LIPA: variants seen among roughly 807,000 people sequenced by gnomAD.
The protein encoded by LIPA is lysosomal acid lipase/cholesteryl ester hydrolase.
In LIPA, 26 loss-of-function variants were observed where a neutral mutation model predicts 40.6. The observed-to-expected ratio is 0.64, with a 90% CI of 0.47 to 0.89. The LOEUF (loss-of-function observed/expected upper bound fraction) is 0.89. Ranked by LOEUF, LIPA falls within the 40% of genes least tolerant of loss-of-function variation. The pLI, the probability that LIPA is intolerant of heterozygous loss-of-function variation, is 0.00. For synonymous variants in LIPA, 188 were observed against 168.4 expected (o/e 1.12, Z -0.90); for missense variants, 455 against 479.6 (o/e 0.95, Z 0.48).
At chr10:89,254,386 C>T (rs111714197), upstream of LIPA, among the ~76,000 whole-genome samples, 856 of 152,344 alleles carry the variant, frequency 5.6e-3, 2 homozygotes, top group African/African-American at 9.5e-3. Context: ...GAAGCCATGG[C>T]CTGAGCTGTA....
chr10:89,369,430 T>G (rs573651628), intron 2 of LIPA, among the ~76,000 whole-genome samples: 3 of 152,182 alleles, frequency 2.0e-5, no homozygotes, highest in Non-Finnish European at 4.4e-5. Context: ...CTGTGCCCTT[T>G]CATTTCAGGC....
chr10:89,299,766 A>T (rs1843434864), intron 1 of LIPA, among the ~76,000 whole-genome samples: 1 of 152,154 alleles, frequency 6.6e-6, no homozygotes. Flanking sequence ...AAAAAAAATA[A>T]CAAATGCTGG....
At chr10:89,244,958 T>C (rs544711024) in intron 3 of LIPA, among the ~76,000 whole-genome samples, 11 of 152,280 alleles carry the variant, frequency 7.2e-5, no homozygotes, top group African/African-American at 2.4e-4. Context: ...CAAAAGCTTA[T>C]TTACAGCAGC....
chr10:89,321,316 C>A (rs937100792), intron 1 of LIPA, among the ~76,000 whole-genome samples: 6 of 152,156 alleles, frequency 3.9e-5, no homozygotes, highest in Middle Eastern at 6.8e-3. Flanking sequence ...TACAATCTAC[C>A]CATCTGACAA....
rs1291764473 is a variant in LIPA at position 89,214,881 on chromosome 10, C to A, written c.1147G>T (p.Ala383Ser). 1 of 1,613,870 alleles carries A rather than the reference C, an allele frequency of 6.2e-7. No individual in the cohort carries two copies. Among genetic ancestry groups the A allele is most frequent in the Admixed American group, 1.7e-5 (1 of 60,014 alleles). The change falls in exon 10 of 10, where the codon GCC (alanine) becomes TCC (serine). Residue 383 changes from alanine (A) to serine (S), a missense_variant. By Grantham distance (99) the Ala-to-Ser change is moderately conservative. Coordinates refer to ENST00000336233, the MANE Select transcript of LIPA (RefSeq NM_000235.4). ...EHLDFIWGLD[A>S]PWRLYNKIIN... is the part of the protein sequence containing the mutation. The stretch of plus-strand genomic sequence containing the variant: ...ATTTTATTATAAAGCCTCCAAGGGG[C>A]ATCCAGGCCCCAAATGAAGTCAAGA...
At chr10:89,254,522 G>C (rs1843171528), upstream of LIPA, among the ~76,000 whole-genome samples, 1 of 152,174 alleles carries the variant, frequency 6.6e-6, no homozygotes, top group Non-Finnish European at 1.5e-5. Flanking sequence ...TAGGCCTCTG[G>C]GCCTGTGATG....
intron 3 of LIPA, among the ~76,000 whole-genome samples, chr10:89,238,509 A>G (rs969500153): frequency 1.2e-4 from 19 of 152,150 alleles, no homozygotes; most frequent in African/African-American, 4.3e-4. Context: ...GACAGAAATT[A>G]CAATGTATTT....
chr10:89,394,191 C>T (rs1018095862), intron 2 of LIPA, among the ~76,000 whole-genome samples: 16 of 133,990 alleles, frequency 1.2e-4, no homozygotes, highest in Middle Eastern at 3.6e-3. Flanking sequence ...ATACTGTAGG[C>T]AACTGCAATA....
At chr10:89,411,234 A>G (rs1475773853) in intron 2 of LIPA, among the ~76,000 whole-genome samples, 1 of 152,194 alleles carries the variant, frequency 6.6e-6, no homozygotes, top group Non-Finnish European at 1.5e-5. Context: ...GACCAGATCT[A>G]GGAGGAACTC....
chr10:89,297,831 A>C (rs1400383890), intron 1 of LIPA, among the ~76,000 whole-genome samples: 1 of 152,152 alleles, frequency 6.6e-6, no homozygotes, highest in East Asian at 1.9e-4. Context: ...TGATGCTACT[A>C]CCAGAGGCTG....
intron 1 of LIPA, among the ~76,000 whole-genome samples, chr10:89,328,510 T>C: frequency 6.7e-6 from 1 of 150,280 alleles, no homozygotes; most frequent in South Asian, 2.1e-4. Flanking sequence ...ACAGGCTTTT[T>C]TTCTTGTAAT....
upstream of LIPA, among the ~76,000 whole-genome samples, chr10:89,256,164 C>G (rs1843179987): frequency 6.6e-6 from 1 of 152,202 alleles, no homozygotes; most frequent in South Asian, 2.1e-4. Context: ...AGAGGTCAGA[C>G]CACTCCACCC....
intron 2 of LIPA, among the ~76,000 whole-genome samples, chr10:89,372,446 T>A (rs1371735318): frequency 6.6e-6 from 1 of 152,188 alleles, no homozygotes; most frequent in Admixed American, 6.5e-5. Flanking sequence ...GAGATAAACA[T>A]CCAATTCTCT....
intron 2 of LIPA, among the ~76,000 whole-genome samples, chr10:89,410,216 A>G (rs1376887814): frequency 6.6e-6 from 1 of 152,180 alleles, no homozygotes; most frequent in Non-Finnish European, 1.5e-5. Context: ...CTGTCTGGAT[A>G]CTCATGATGT....
intron 2 of LIPA, among the ~76,000 whole-genome samples, chr10:89,361,884 T>A (rs1844024848): frequency 9.5e-6 from 1 of 105,208 alleles, no homozygotes; most frequent in Non-Finnish European, 1.9e-5. Flanking sequence ...CCTTTTTTTT[T>A]TTTTTTTTTT....
At chr10:89,296,170 A>G (rs540601982) in intron 1 of LIPA, among the ~76,000 whole-genome samples, 1 of 152,082 alleles carries the variant, frequency 6.6e-6, no homozygotes, top group African/African-American at 2.4e-5. Flanking sequence ...AACCTAACAT[A>G]CATTTCTGTA....
At chr10:89,276,884 T>C (rs1299897987) in intron 1 of LIPA, among the ~76,000 whole-genome samples, 1 of 152,168 alleles carries the variant, frequency 6.6e-6, no homozygotes, top group East Asian at 1.9e-4. Flanking sequence ...AAATACTAAA[T>C]AATGGCTAGA....
At chr10:89,364,411 C>T (rs1844043987) in intron 2 of LIPA, among the ~76,000 whole-genome samples, 1 of 151,994 alleles carries the variant, frequency 6.6e-6, no homozygotes, top group Admixed American at 6.6e-5. Flanking sequence ...AAGATGTTGA[C>T]CCACAAGAAG....
rs1222741214 is a variant in LIPA at position 89,214,376 on chromosome 10, C to T, written c.*452G>A. 6.1e-6 allele frequency: 1 copy of T among 162,806 alleles called. No homozygotes were observed. The highest frequency in any genetic ancestry group is 1.6e-4 in the South Asian group (1 of 6,200). 10.1% of individuals were successfully genotyped at this position (162,806 alleles called of 1,614,324 possible). A position where few individuals can be genotyped will look rare whatever the true frequency, so the allele number is the denominator to read the frequency against. The stretch of plus-strand genomic sequence containing the variant: ...GATCTCTAACTACAAGACCGTTAGA[C>T]TAGAGAGCTCTTTAAGGCAAGGACA... On this transcript the variant is annotated 3_prime_UTR_variant, in exon 10 of 10. Transcript: ENST00000336233.
Sources: allele counts gnomAD v4.1 joint callset (sites outside exome capture counted in the v4.1 genomes callset), GRCh38; gene constraint gnomAD v4.1.1; transcripts MANE v1.5; gene names NCBI Gene and HGNC (gene_info 2026-07-23, HGNC 2026-07-21).